The following ZFHX3 variants were observed in gnomAD, a reference collection of about 807,000 sequenced individuals.
ZFHX3 encodes the protein zinc finger homeobox protein 3.
In ZFHX3, 42 loss-of-function variants were observed where a neutral mutation model predicts 279.1. The ratio of observed to expected loss-of-function variants is 0.15; its 90% CI spans 0.12 to 0.19. The LOEUF is 0.19. ZFHX3 is among the 10% of genes least tolerant of loss of function. ZFHX3 has a pLI of 1.00. For synonymous variants in ZFHX3, 2,293 were observed against 1,957.8 expected, an observed-to-expected ratio of 1.17 and a Z score of -4.52; for missense variants, 4,981 against 4,754.0, an observed-to-expected ratio of 1.05 and a Z score of -1.40.
chr16:73,214,832 A>G (rs2012143324), intron 5 of ZFHX3, among the ~76,000 whole-genome samples: 1 of 143,504 alleles, frequency 7.0e-6, no homozygotes, highest in Admixed American at 7.0e-5. Flanking sequence ...CTCCATTGAA[A>G]TGCTGAAGGC....
At chr16:73,541,461 G>A (rs956354491) in intron 2 of ZFHX3, among the ~76,000 whole-genome samples, 1 of 152,014 alleles carries the variant, frequency 6.6e-6, no homozygotes, top group Non-Finnish European at 1.5e-5. Context: ...ACTCCAGCCT[G>A]GGGGACACAG....
intron 1 of ZFHX3, among the ~76,000 whole-genome samples, chr16:73,831,836 T>C (rs757178117): frequency 4.6e-5 from 7 of 152,226 alleles, no homozygotes; most frequent in Non-Finnish European, 7.3e-5. Context: ...GACAGGCAAC[T>C]GGACATCCAT....
At chr16:73,103,872 G>C (rs924397818) in intron 7 of ZFHX3, among the ~76,000 whole-genome samples, 5 of 152,152 alleles carry the variant, frequency 3.3e-5, no homozygotes, top group African/African-American at 7.2e-5. Context: ...AACTAGGCTT[G>C]TTCTGGCAGA....
At chr16:72,834,692 C>G (rs996054205) in intron 4 of ZFHX3, among the ~76,000 whole-genome samples, 1 of 151,946 alleles carries the variant, frequency 6.6e-6, no homozygotes, top group Non-Finnish European at 1.5e-5. Flanking sequence ...AAAGCAGCAC[C>G]AGGCAGAAGC....
chr16:73,163,698 G>A (rs547776350), intron 5 of ZFHX3, among the ~76,000 whole-genome samples: 1 of 152,332 alleles, frequency 6.6e-6, no homozygotes, highest in Admixed American at 6.5e-5. Context: ...GTGTGTGTAT[G>A]TGAGGGGGTA....
chr16:73,877,594 A>G (rs2029996017), intron 1 of ZFHX3, among the ~76,000 whole-genome samples: 1 of 152,202 alleles, frequency 6.6e-6, no homozygotes, highest in Non-Finnish European at 1.5e-5. Flanking sequence ...TTTAGCTTAA[A>G]TAATAACTAA....
chr16:73,395,153 C>A (rs2017101371), intron 3 of ZFHX3, among the ~76,000 whole-genome samples: 1 of 152,080 alleles, frequency 6.6e-6, no homozygotes, highest in Non-Finnish European at 1.5e-5. Context: ...CTACAATGCA[C>A]AGGACACCCT....
chr16:73,517,526 C>T (rs373801126), intron 2 of ZFHX3, among the ~76,000 whole-genome samples: 6 of 152,238 alleles, frequency 3.9e-5, no homozygotes, highest in African/African-American at 1.4e-4. Flanking sequence ...TTTCAGTCAC[C>T]AGGCAAGAAA....
chr16:72,817,715 G>A (rs2036654361), intron 5 of ZFHX3, among the ~76,000 whole-genome samples: 1 of 152,158 alleles, frequency 6.6e-6, no homozygotes, highest in Non-Finnish European at 1.5e-5. Context: ...ATCTCTTCAT[G>A]GTGGAGTGAC....
chr16:72,861,876 G>A (rs1463515201), intron 4 of ZFHX3, among the ~76,000 whole-genome samples: 1 of 152,082 alleles, frequency 6.6e-6, no homozygotes, highest in Non-Finnish European at 1.5e-5. Flanking sequence ...TTAGCCGGGT[G>A]TGGTGGCATG....
At chr16:73,265,287 T>C (rs1171268449) in intron 4 of ZFHX3, among the ~76,000 whole-genome samples, 2 of 152,118 alleles carry the variant, frequency 1.3e-5, no homozygotes, top group East Asian at 1.9e-4. Context: ...CTGGAAATCC[T>C]GGGGCGGAGC....
At chr16:73,226,613 G>A (rs2012600189) in intron 5 of ZFHX3, among the ~76,000 whole-genome samples, 1 of 152,214 alleles carries the variant, frequency 6.6e-6, no homozygotes, top group Non-Finnish European at 1.5e-5. Context: ...CACCTTTGCT[G>A]ATTGCACAGA....
At chr16:73,771,397 A>C (rs1440301609) in intron 1 of ZFHX3, among the ~76,000 whole-genome samples, 1 of 152,202 alleles carries the variant, frequency 6.6e-6, no homozygotes, top group Non-Finnish European at 1.5e-5. Flanking sequence ...CAGAAAAAAC[A>C]AGCATGCAGA....
intron 3 of ZFHX3, among the ~76,000 whole-genome samples, chr16:72,907,589 GTGTGTGTGTGTGTGTGTTGTGTGTA>G (rs1362004040): frequency 2.8e-4 from 41 of 146,872 alleles, no homozygotes; most frequent in African/African-American, 9.3e-4. Context: ...GTGTGTGTGT[GTGTGTGTGTGTGTGTGTTGTGTGTA>G]TGCACACAGG....
At chr16:73,879,222 T>C (rs1342704076) in intron 1 of ZFHX3, among the ~76,000 whole-genome samples, 1 of 151,390 alleles carries the variant, frequency 6.6e-6, no homozygotes, top group Non-Finnish European at 1.5e-5. Context: ...GGTTTTTTTT[T>C]TCTTTTTTAA....
intron 3 of ZFHX3, among the ~76,000 whole-genome samples, chr16:72,946,178 C>G (rs907491683): frequency 1.2e-4 from 19 of 152,188 alleles, no homozygotes; most frequent in African/African-American, 4.6e-4. Context: ...CAGACATCCT[C>G]TATGTGGAGA....
At chr16:73,560,870 G>A (rs2020359793) in intron 2 of ZFHX3, among the ~76,000 whole-genome samples, 1 of 152,208 alleles carries the variant, frequency 6.6e-6, no homozygotes, top group Non-Finnish European at 1.5e-5. Flanking sequence ...GAGACTAGGA[G>A]GTGGTATTCT....
intron 2 of ZFHX3, among the ~76,000 whole-genome samples, chr16:73,486,200 C>A (rs894657073): frequency 1.3e-5 from 2 of 152,188 alleles, no homozygotes; most frequent in African/African-American, 4.8e-5. Context: ...CAGGAAATAT[C>A]CTCTCCATTT....
At chr16:73,331,349 C>G (rs2015800344) in intron 3 of ZFHX3, among the ~76,000 whole-genome samples, 1 of 152,164 alleles carries the variant, frequency 6.6e-6, no homozygotes, top group Admixed American at 6.5e-5. Context: ...CACAGCCAAA[C>G]CATATCAGCA....
Sources: gnomAD v4.1 joint callset for allele counts (sites outside exome capture counted in the v4.1 genomes callset) on GRCh38, gnomAD v4.1.1 for gene constraint, MANE v1.5 for transcripts, NCBI Gene and HGNC (gene_info 2026-07-23, HGNC 2026-07-21) for gene names.